Variants in PIAS2 observed in about 807,000 individuals in gnomAD.
The protein encoded by PIAS2 is protein inhibitor of activated STAT 2.
A neutral mutation model predicts 69.7 loss-of-function variants in PIAS2; 19 were observed. That is an observed-to-expected ratio of 0.27 (90% CI 0.19 to 0.40). PIAS2 has a LOEUF of 0.40. PIAS2 is among the 10% of genes least tolerant of loss of function. The pLI is 1.00. For missense variants in PIAS2, 624 were observed against 757.0 expected (o/e 0.82, Z 2.06); for synonymous variants, 261 against 263.2 (o/e 0.99, Z 0.08).
intron 9 of PIAS2, among the ~76,000 whole-genome samples, chr18:46,835,696 A>G (rs955319609): frequency 2.0e-5 from 3 of 152,216 alleles, no homozygotes; most frequent in Admixed American, 6.5e-5. Flanking sequence ...CATTACATAA[A>G]GTATCATTTC....
chr18:46,884,616 G>GT (rs2052838675), intron 2 of PIAS2, among the ~76,000 whole-genome samples: 1 of 148,970 alleles, frequency 6.7e-6, no homozygotes, highest in Admixed American at 6.7e-5. Flanking sequence ...CTGGCCTCAT[G>GT]TTTTTTAAAA....
At chr18:46,884,609 G>A (rs1172276684) in intron 2 of PIAS2, among the ~76,000 whole-genome samples, 1 of 151,764 alleles carries the variant, frequency 6.6e-6, no homozygotes, top group African/African-American at 2.4e-5. Flanking sequence ...ACCGCACCTG[G>A]CCTCATGTTT....
At chr18:46,839,235 T>C (rs1009990371) in intron 8 of PIAS2, among the ~76,000 whole-genome samples, 2 of 150,228 alleles carry the variant, frequency 1.3e-5, no homozygotes, top group African/African-American at 4.9e-5. Flanking sequence ...CCCACAATGA[T>C]TAAAATAAGA....
chr18:46,832,166 C>T (rs1315492710), intron 9 of PIAS2, among the ~76,000 whole-genome samples: 1 of 152,056 alleles, frequency 6.6e-6, no homozygotes, highest in Non-Finnish European at 1.5e-5. Context: ...CCTGTAATCC[C>T]AGCACTTTGG....
At chr18:46,883,833 CAATAAATAATA>C (rs971525910) in intron 2 of PIAS2, among the ~76,000 whole-genome samples, 2 of 152,068 alleles carry the variant, frequency 1.3e-5, no homozygotes, top group Non-Finnish European at 2.9e-5. Flanking sequence ...GACCCTCTCT[CAATAAATAATA>C]AATAAATTAA....
rs948212606 is a variant in PIAS2 at position 46,808,084 on chromosome 18, A to G, written c.*4349T>C. On this transcript the variant is annotated 3_prime_UTR_variant, in exon 14 of 14. Transcript: ENST00000585916. ...AGGTTATATGAAACATGGCACATCC[A>G]TAACAATGGAGTACCATAAAATTAA... 6.6e-6 allele frequency: 1 copy of G among 152,262 alleles called. No homozygotes were observed. Among genetic ancestry groups the G allele is most frequent in the Non-Finnish European group, 1.5e-5 (1 of 68,042 alleles). 9.4% of individuals were successfully genotyped at this position (152,262 alleles called of 1,614,324 possible).
intron 12 of PIAS2, among the ~76,000 whole-genome samples, chr18:46,819,990 G>T (rs1208233845): frequency 5.9e-5 from 9 of 152,124 alleles, no homozygotes; most frequent in Non-Finnish European, 8.8e-5. Flanking sequence ...ACTGCAGTCA[G>T]AAAATATCAC....
At chr18:46,899,008 A>AT (rs200863981) in intron 1 of PIAS2, among the ~76,000 whole-genome samples, 1 of 151,732 alleles carries the variant, frequency 6.6e-6, no homozygotes, top group Non-Finnish European at 1.5e-5. Flanking sequence ...AAAAAAAAAA[A>AT]GCTTTGAATA....
Position 46,809,279 on chromosome 18 carries a change from G to A in PIAS2, c.*3154C>T, listed in dbSNP as rs145874238. 64 of 152,136 alleles carry A rather than the reference G, an allele frequency of 4.2e-4. No individual in the cohort carries two copies. The highest frequency in any genetic ancestry group is 1.5e-3 in the African/African-American group (62 of 41,476). 9.4% of individuals were successfully genotyped at this position (152,136 alleles called of 1,614,324 possible). ...TCATTTTGCCTTTACAATTACCTTAGGACAGATGCCAAGTTTTTATAACTT... is the reference window on the plus strand; with the variant it reads ...TCATTTTGCCTTTACAATTACCTTAAGACAGATGCCAAGTTTTTATAACTT... On this transcript the variant is annotated 3_prime_UTR_variant, in exon 14 of 14. Coordinates refer to ENST00000585916, the MANE Select transcript of PIAS2 (RefSeq NM_004671.5).
At chr18:46,859,579 A>C (rs2048362859) in intron 3 of PIAS2, among the ~76,000 whole-genome samples, 1 of 152,226 alleles carries the variant, frequency 6.6e-6, no homozygotes, top group Admixed American at 6.5e-5. Context: ...AAATATACTA[A>C]GCAAAAATCT....
At chr18:46,905,467 T>G (rs2146222056) in intron 1 of PIAS2, among the ~76,000 whole-genome samples, 1 of 151,724 alleles carries the variant, frequency 6.6e-6, no homozygotes, top group African/African-American at 2.4e-5. Context: ...AAAGGAAATG[T>G]AAGAAAAGAA....
chr18:46,895,344 T>C (rs2054679108), intron 1 of PIAS2, among the ~76,000 whole-genome samples: 1 of 152,098 alleles, frequency 6.6e-6, no homozygotes, highest in Admixed American at 6.6e-5. Flanking sequence ...AACTGCATTA[T>C]TAATATTGCC....
intron 11 of PIAS2, among the ~76,000 whole-genome samples, chr18:46,826,195 C>T (rs958110206): frequency 6.6e-6 from 1 of 152,200 alleles, no homozygotes; most frequent in South Asian, 2.1e-4. Context: ...TTCTTTTCAG[C>T]CTAAATGAGG....
At chr18:46,887,849 G>C (rs573409898) in intron 2 of PIAS2, among the ~76,000 whole-genome samples, 267 of 152,222 alleles carry the variant, frequency 1.8e-3, no homozygotes, top group Non-Finnish European at 3.3e-3. Flanking sequence ...AAGAATGCTT[G>C]AGTAAGTTCT....
chr18:46,864,806 T>C (rs1174214329), intron 2 of PIAS2, among the ~76,000 whole-genome samples: 2 of 151,564 alleles, frequency 1.3e-5, no homozygotes, highest in Non-Finnish European at 2.9e-5. Flanking sequence ...AGTAAAAATA[T>C]AACAAAACGC....
At chr18:46,898,461 T>A (rs2055248969) in intron 1 of PIAS2, among the ~76,000 whole-genome samples, 1 of 152,164 alleles carries the variant, frequency 6.6e-6, no homozygotes, top group Admixed American at 6.5e-5. Flanking sequence ...ATAAATTTTT[T>A]AAAAGTAACA....
chr18:46,882,643 A>G (rs1568708826), intron 2 of PIAS2, among the ~76,000 whole-genome samples: 1 of 152,246 alleles, frequency 6.6e-6, no homozygotes, highest in African/African-American at 2.4e-5. Flanking sequence ...ACACAAAAAT[A>G]CTTCTGAATG....
chr18:46,843,322 C>T (rs1004829537), intron 8 of PIAS2, among the ~76,000 whole-genome samples: 1 of 152,162 alleles, frequency 6.6e-6, no homozygotes, highest in African/African-American at 2.4e-5. Flanking sequence ...ACCCACAAAA[C>T]TACATTATAA....
chr18:46,876,717 G>C (rs1354806577), intron 2 of PIAS2, among the ~76,000 whole-genome samples: 2 of 139,232 alleles, frequency 1.4e-5, no homozygotes, highest in Non-Finnish European at 3.1e-5. Flanking sequence ...TTTTTTTTGA[G>C]ATGGAGTCTT....
Sources: allele counts gnomAD v4.1 joint callset (sites outside exome capture counted in the v4.1 genomes callset), GRCh38; gene constraint gnomAD v4.1.1; transcripts MANE v1.5; gene names NCBI Gene and HGNC (gene_info 2026-07-23, HGNC 2026-07-21).